DYNC1LI1: variants seen among roughly 807,000 people sequenced by gnomAD.
DYNC1LI1 encodes dynein cytoplasmic 1 light intermediate chain 1.
DYNC1LI1 carries 19 observed loss-of-function variants against 63.8 expected under a neutral mutation model. The observed-to-expected ratio is 0.30, with a 90% CI of 0.21 to 0.44. The LOEUF (loss-of-function observed/expected upper bound fraction) is 0.44, where lower values mean the gene tolerates loss of function less well. Among genes scored for constraint, DYNC1LI1 ranks in the 20% least tolerant of loss-of-function variants. DYNC1LI1 has a pLI of 1.00. For missense variants in DYNC1LI1, 565 were observed against 630.2 expected (o/e 0.90, Z 1.11); for synonymous variants, 225 against 232.3 (o/e 0.97, Z 0.28).
rs576944118 is a variant in DYNC1LI1, at chr3:32,526,595, A to G, written c.*204T>C. The G allele has an allele frequency of 1.9e-5, 8 of 415,270 alleles. No individual in the cohort carries two copies. Among genetic ancestry groups the G allele is most frequent in the Admixed American group, 3.8e-5 (1 of 26,208 alleles). 25.7% of individuals were successfully genotyped at this position (415,270 alleles called of 1,614,324 possible). A position where few individuals can be genotyped will look rare whatever the true frequency, so the allele number is the denominator to read the frequency against. On this transcript the variant is annotated 3_prime_UTR_variant, in exon 13 of 13. Transcript: ENST00000273130. Reference sequence around the variant, plus strand: ...ATGCAAAATGGCAATGCAAACAGCAATCCTACATAATGTAGAATAATTTTT... The same window carrying G: ...ATGCAAAATGGCAATGCAAACAGCAGTCCTACATAATGTAGAATAATTTTT...
rs779530074 is a variant in DYNC1LI1 at position 32,534,627 on chromosome 3, G to A, written c.852C>T (p.Tyr284=). 3.1e-6 allele frequency: 5 copies of A among 1,598,638 alleles called. No individual in the cohort carries two copies. Among genetic ancestry groups the A allele is most frequent in the East Asian group, 2.2e-5 (1 of 44,600 alleles). ...TATTTTTGTTTTCTTTTACTGAAGT[G>A]TAAATAAGTGCTGCACCATCTGAAT... ...FCLQYGAALI[Y]TSVKENKNID... is the part of the protein sequence containing the mutation. Residue 284 remains tyrosine (Y), a synonymous_variant, in exon 7 of 13, where the codon TAC becomes TAT. Transcript: ENST00000273130.
At chr3:32,551,629 C>A (rs1173097682) in intron 2 of DYNC1LI1, among the ~76,000 whole-genome samples, 1 of 151,924 alleles carries the variant, frequency 6.6e-6, no homozygotes, top group Non-Finnish European at 1.5e-5. Flanking sequence ...GGAGTCCTAG[C>A]AAAAAATGAG....
In DYNC1LI1 at chr3:32,567,461, T is replaced by C. The variant is rs550781901; in HGVS notation, c.220+2885A>G. Among the ~76,000 whole-genome samples, 241 of 152,258 alleles carry C rather than the reference T, an allele frequency of 1.6e-3. 1 individual carries two copies. The highest frequency in any genetic ancestry group is 5.6e-3 in the African/African-American group (234 of 41,552). Reference sequence around the variant, plus strand: ...GAGGGGAGTACTTAGGGCTATATCATTGTTCCTATTCTAGGTTGTTTCTGA... The same window carrying C: ...GAGGGGAGTACTTAGGGCTATATCACTGTTCCTATTCTAGGTTGTTTCTGA... On this transcript the variant is annotated intron_variant, in intron 2 of 12. Transcript: ENST00000273130.
At chr3:32,557,390 G>A (rs754234952) in intron 2 of DYNC1LI1, among the ~76,000 whole-genome samples, 2 of 151,472 alleles carry the variant, frequency 1.3e-5, no homozygotes, top group Non-Finnish European at 2.9e-5. Flanking sequence ...GCATGGTGGC[G>A]GGCACTTTGT....
intron 8 of DYNC1LI1, chr3:32,530,964 T>C (rs1697688147): frequency 6.5e-6 from 1 of 154,352 alleles, no homozygotes; most frequent in African/African-American, 2.4e-5. Context: ...AGTAATATCC[T>C]AGTTAAGTGA....
intron 2 of DYNC1LI1, among the ~76,000 whole-genome samples, chr3:32,561,002 CAAAAAAAAAAAAAA>C (rs59037467): frequency 1.9e-3 from 49 of 26,122 alleles, no homozygotes; most frequent in South Asian, 8.2e-3. Flanking sequence ...AACTCCGTCT[CAAAAAAAAAAAAAA>C]AAAAAAAAAA....
intron 2 of DYNC1LI1, among the ~76,000 whole-genome samples, chr3:32,554,779 T>C (rs888422338): frequency 1.3e-5 from 2 of 152,116 alleles, no homozygotes; most frequent in African/African-American, 4.8e-5. Context: ...AACAAAATCT[T>C]TCTGGGAGCA....
chr3:32,563,247 T>C (rs574525649), intron 2 of DYNC1LI1, among the ~76,000 whole-genome samples: 1 of 150,724 alleles, frequency 6.6e-6, no homozygotes, highest in East Asian at 1.9e-4. Context: ...ATTTTACAAA[T>C]AAAGCAAATA....
intron 2 of DYNC1LI1, among the ~76,000 whole-genome samples, chr3:32,565,293 T>C (rs1455352628): frequency 6.6e-6 from 1 of 152,206 alleles, no homozygotes; most frequent in African/African-American, 2.4e-5. Flanking sequence ...ATGAGAAAGA[T>C]GAGGCTTATA....
intron 5 of DYNC1LI1, among the ~76,000 whole-genome samples, chr3:32,538,007 TAATATA>T (rs1697815206): frequency 5.0e-5 from 2 of 39,692 alleles, no homozygotes; most frequent in African/African-American, 3.1e-4. Context: ...TTTATATATA[TAATATA>T]TATATATAAT....
At chr3:32,539,898 T>C (rs111604718) in intron 5 of DYNC1LI1, among the ~76,000 whole-genome samples, 11,926 of 151,160 alleles carry the variant, frequency 0.079, 507 homozygotes, top group South Asian at 0.12. Context: ...AGAGTCTCAC[T>C]CTGTAGCCCA....
chr3:32,532,494 T>C (rs1000266018), intron 8 of DYNC1LI1: 2 of 146,564 alleles, frequency 1.4e-5, no homozygotes, highest in East Asian at 2.0e-4. Context: ...TGTGTATATA[T>C]ATATATATAT....
chr3:32,543,438 C>T lies in DYNC1LI1; in HGVS notation c.568+1438G>A, dbSNP rs1424148266. On this transcript the variant is annotated intron_variant, in intron 4 of 12. Coordinates refer to ENST00000273130, the MANE Select transcript of DYNC1LI1 (RefSeq NM_016141.4). ...TTTTTGAGACGGAGTCTTGCTCTGT[C>T]GCCCAGGCTGGAGTACAGTGGCGCA... 6.8e-5 allele frequency among the ~76,000 whole-genome samples: 9 copies of T among 132,796 alleles called. No homozygotes were observed. In the Admixed American group the frequency reaches 6.8e-4, roughly 10 times the overall value. The allele number at this position is 132,796 out of a possible 152,430, so 87.1% of individuals were successfully genotyped here.
At chr3:32,562,092 G>GT (rs1698202421) in intron 2 of DYNC1LI1, among the ~76,000 whole-genome samples, 2 of 152,028 alleles carry the variant, frequency 1.3e-5, no homozygotes. Context: ...GGGCAACATA[G>GT]TGAGACTCCC....
chr3:32,566,760 C>T, intron 2 of DYNC1LI1: 1 of 422,776 alleles, frequency 2.4e-6, no homozygotes, highest in African/African-American at 2.1e-5. Context: ...AACAAACAAA[C>T]AAAAAAACAA....
At chr3:32,560,040 A>G (rs979174211) in intron 2 of DYNC1LI1, among the ~76,000 whole-genome samples, 1 of 152,200 alleles carries the variant, frequency 6.6e-6, no homozygotes, top group African/African-American at 2.4e-5. Flanking sequence ...TGCAGGACAC[A>G]AAGTGACTGT....
At chr3:32,564,333 GCAAA>G (rs917403348) in intron 2 of DYNC1LI1, among the ~76,000 whole-genome samples, 85 of 152,130 alleles carry the variant, frequency 5.6e-4, no homozygotes, top group South Asian at 2.1e-3. Context: ...AAACAAACAA[GCAAA>G]CAAACAAACA....
At chr3:32,537,369 A>C (rs1228996508) in intron 5 of DYNC1LI1, 1 of 200,000 alleles carries the variant, frequency 5.0e-6, no homozygotes, top group Non-Finnish European at 1.0e-5. Context: ...TTAGTACCTA[A>C]GGGAAGGAAG....
At chr3:32,569,372 T>C (rs1335136229) in intron 2 of DYNC1LI1, among the ~76,000 whole-genome samples, 8 of 152,236 alleles carry the variant, frequency 5.3e-5, no homozygotes, top group Non-Finnish European at 1.0e-4. Context: ...ATTTTTTCTA[T>C]GTAAACATTC....
Sources: allele counts gnomAD v4.1 joint callset (sites outside exome capture counted in the v4.1 genomes callset), GRCh38; gene constraint gnomAD v4.1.1; transcripts MANE v1.5; gene names NCBI Gene and HGNC (gene_info 2026-07-23, HGNC 2026-07-21).